Variants in TBC1D5 observed in about 807,000 individuals in gnomAD.
TBC1D5 encodes TBC1 domain family, member 5.
A neutral mutation model predicts 100.3 loss-of-function variants in TBC1D5; 75 were observed. That is an observed-to-expected ratio of 0.75 (90% CI 0.62 to 0.91). The LOEUF is 0.91. TBC1D5 is among the 40% of genes least tolerant of loss of function. The pLI is 0.00. For missense variants in TBC1D5, 910 were observed against 942.4 expected, an observed-to-expected ratio of 0.97 and a Z score of 0.45; for synonymous variants, 323 against 325.6, an observed-to-expected ratio of 0.99 and a Z score of 0.09.
chr3:17,347,851 A>T (rs1212850474), intron 13 of TBC1D5, among the ~76,000 whole-genome samples: 1 of 152,094 alleles, frequency 6.6e-6, no homozygotes, highest in Non-Finnish European at 1.5e-5. Context: ...AACAACAAAA[A>T]AATTAGTCAG....
At chr3:17,668,025 A>G (rs1443350543) in intron 1 of TBC1D5, among the ~76,000 whole-genome samples, 1 of 151,558 alleles carries the variant, frequency 6.6e-6, no homozygotes, top group Non-Finnish European at 1.5e-5. Context: ...ACTGTGTTAT[A>G]TTCTATTAAA....
chr3:17,216,711 G>A (rs2073679759), intron 17 of TBC1D5, among the ~76,000 whole-genome samples: 1 of 151,892 alleles, frequency 6.6e-6, no homozygotes, highest in Admixed American at 6.6e-5. Context: ...TAACTTCCCA[G>A]GGATACTTTT....
chr3:17,435,403 C>T (rs951905763), intron 3 of TBC1D5, among the ~76,000 whole-genome samples: 5 of 152,140 alleles, frequency 3.3e-5, no homozygotes, highest in African/African-American at 7.2e-5. Context: ...CTCACAGTTT[C>T]GCATGGCTGG....
At chr3:17,735,032 G>A (rs200496157) in intron 1 of TBC1D5, among the ~76,000 whole-genome samples, 6 of 152,230 alleles carry the variant, frequency 3.9e-5, no homozygotes, top group Admixed American at 2.6e-4. Context: ...GCTCAAGGAC[G>A]CAGTGAGCTG....
intron 18 of TBC1D5, among the ~76,000 whole-genome samples, chr3:17,197,883 A>G (rs1163821323): frequency 2.6e-5 from 4 of 152,150 alleles, no homozygotes; most frequent in Admixed American, 2.6e-4. Flanking sequence ...CAAAAAATAC[A>G]AAAATTAGCT....
intron 2 of TBC1D5, among the ~76,000 whole-genome samples, chr3:17,590,429 T>C (rs1464870569): frequency 2.0e-5 from 3 of 152,198 alleles, no homozygotes; most frequent in Non-Finnish European, 2.9e-5. Context: ...TGGAAATACC[T>C]GATCTCCCTT....
chr3:17,725,479 C>T (rs942641996), intron 1 of TBC1D5, among the ~76,000 whole-genome samples: 2 of 151,912 alleles, frequency 1.3e-5, no homozygotes, highest in Non-Finnish European at 2.9e-5. Flanking sequence ...TTCGCTCATA[C>T]TCTACAGGCA....
At chr3:17,403,206 T>A in exon 8 of TBC1D5, 1 of 1,591,918 alleles carries the variant, frequency 6.3e-7, no homozygotes, top group South Asian at 1.1e-5. Flanking sequence ...TGTTCAATCA[T>A]TGATCGAAGT....
intron 1 of TBC1D5, among the ~76,000 whole-genome samples, chr3:17,635,091 G>C (rs534040381): frequency 6.5e-4 from 99 of 152,258 alleles, no homozygotes; most frequent in African/African-American, 2.2e-3. Flanking sequence ...TGATCAAGTA[G>C]AAAATGTAAG....
chr3:17,549,647 T>A (rs2096454836), intron 2 of TBC1D5, among the ~76,000 whole-genome samples: 1 of 152,016 alleles, frequency 6.6e-6, no homozygotes, highest in African/African-American at 2.4e-5. Context: ...TAATAATGAA[T>A]GGCGCAGGCG....
chr3:17,701,135 G>C (rs1454514248), intron 1 of TBC1D5, among the ~76,000 whole-genome samples: 1 of 152,124 alleles, frequency 6.6e-6, no homozygotes, highest in Non-Finnish European at 1.5e-5. Flanking sequence ...ATACACCATG[G>C]AATACTATGC....
intron 3 of TBC1D5, among the ~76,000 whole-genome samples, chr3:17,488,834 T>C (rs978279396): frequency 6.6e-6 from 1 of 151,882 alleles, no homozygotes; most frequent in Middle Eastern, 3.4e-3. Flanking sequence ...TGGGCGAGCA[T>C]GCATTACCAC....
At chr3:17,563,751 TTTG>T (rs201672399) in intron 2 of TBC1D5, among the ~76,000 whole-genome samples, 2 of 152,022 alleles carry the variant, frequency 1.3e-5, no homozygotes, top group African/African-American at 2.4e-5. Flanking sequence ...TTACTGGTGG[TTTG>T]TTGTTGTTGT....
intron 4 of TBC1D5, among the ~76,000 whole-genome samples, chr3:17,423,230 C>CT (rs1359256867): frequency 1.3e-5 from 2 of 151,942 alleles, no homozygotes; most frequent in Non-Finnish European, 2.9e-5. Context: ...ATAAAGTTCC[C>CT]TTTATTTCTT....
intron 13 of TBC1D5, among the ~76,000 whole-genome samples, chr3:17,321,393 C>G (rs2085383918): frequency 6.6e-6 from 1 of 152,130 alleles, no homozygotes; most frequent in Admixed American, 6.5e-5. Context: ...AAAATTTTTA[C>G]TATTTATTTT....
At chr3:17,283,557 C>T (rs1488807637) in intron 15 of TBC1D5, among the ~76,000 whole-genome samples, 1 of 152,036 alleles carries the variant, frequency 6.6e-6, no homozygotes, top group African/African-American at 2.4e-5. Context: ...TAAACAATAA[C>T]TTATTGGCCT....
intron 1 of TBC1D5, among the ~76,000 whole-genome samples, chr3:17,717,810 C>T (rs1363849766): frequency 6.6e-6 from 1 of 152,180 alleles, no homozygotes; most frequent in Non-Finnish European, 1.5e-5. Flanking sequence ...AACCCATACA[C>T]ATACACATTT....
intron 15 of TBC1D5, among the ~76,000 whole-genome samples, chr3:17,277,480 T>C (rs969498167): frequency 6.6e-5 from 10 of 152,246 alleles, no homozygotes; most frequent in Non-Finnish European, 1.2e-4. Context: ...TCGTTGGGCT[T>C]TACTCTTTGG....
chr3:17,442,062 G>A (rs2094672626), intron 3 of TBC1D5, among the ~76,000 whole-genome samples: 1 of 152,176 alleles, frequency 6.6e-6, no homozygotes. Flanking sequence ...AAAATCAGTG[G>A]TGTTGAGTTT....
Sources: allele counts gnomAD v4.1 joint callset (sites outside exome capture counted in the v4.1 genomes callset), GRCh38; gene constraint gnomAD v4.1.1; transcripts MANE v1.5; gene names NCBI Gene and HGNC (gene_info 2026-07-23, HGNC 2026-07-21).